SOX5: variants seen among roughly 807,000 people sequenced by gnomAD.
SOX5 encodes SRY-box transcription factor 5.
Under a neutral mutation model 92.0 loss-of-function variants are expected in SOX5, and 9 were observed. The ratio of observed to expected loss-of-function variants is 0.10; its 90% CI spans 0.06 to 0.17. The LOEUF (loss-of-function observed/expected upper bound fraction) is 0.17, where lower values mean the gene tolerates loss of function less well. SOX5 is among the 10% of genes least tolerant of loss of function. The pLI is 1.00. For synonymous variants in SOX5, 344 were observed against 336.3 expected (o/e 1.02, Z -0.25); for missense variants, 642 against 944.5 (o/e 0.68, Z 4.20).
Position 23,895,912 on chromosome 12 carries a change from G to A in SOX5, c.151C>T (p.His51Tyr). 6.2e-7 allele frequency: 1 copy of A among 1,614,066 alleles called. No homozygotes were observed. The highest frequency in any genetic ancestry group is 8.5e-7 in the Non-Finnish European group (1 of 1,179,930). The change falls in exon 2 of 15, where the codon CAC becomes TAC. Residue 51 changes from histidine (H) to tyrosine (Y), a missense_variant. By Grantham distance (83) the His-to-Tyr change is moderately conservative. Around this residue, in one of 8 missense-constraint regions of SOX5, gnomAD observed 113 missense variants for 117.7 expected, o/e 0.96. Transcript: ENST00000451604. ...EEESDGLPAF[H>Y]LPLHVSFPNK... ...GGAAAACTCACATGCAAGGGAAGGT[G>A]AAAGGCTGGGAGCCCGTCACTCTCC... is the stretch of plus-strand genomic sequence containing the variant.
intron 4 of SOX5, among the ~76,000 whole-genome samples, chr12:24,087,376 T>C (rs914683058): frequency 6.6e-6 from 1 of 150,710 alleles, no homozygotes; most frequent in Non-Finnish European, 1.5e-5. Flanking sequence ...ATAATAATAA[T>C]TGATTATGTC....
intron 1 of SOX5, among the ~76,000 whole-genome samples, chr12:24,537,422 A>C (rs1035929331): frequency 1.3e-5 from 2 of 152,178 alleles, no homozygotes; most frequent in Non-Finnish European, 2.9e-5. Flanking sequence ...GGTTCTTTTT[A>C]ATGTCTAAGA....
intron 4 of SOX5, among the ~76,000 whole-genome samples, chr12:24,179,660 G>C (rs1429563302): frequency 6.6e-6 from 1 of 152,192 alleles, no homozygotes; most frequent in Non-Finnish European, 1.5e-5. Flanking sequence ...CACTTTATTT[G>C]AAAAGGCTTT....
chr12:24,425,370 T>C (rs1966605057), intron 1 of SOX5, among the ~76,000 whole-genome samples: 1 of 152,204 alleles, frequency 6.6e-6, no homozygotes, highest in Non-Finnish European at 1.5e-5. Context: ...ATTGGCATTT[T>C]CTAAATGACC....
At chr12:24,344,543 C>G (rs1248152197) in intron 2 of SOX5, among the ~76,000 whole-genome samples, 1 of 152,050 alleles carries the variant, frequency 6.6e-6, no homozygotes, top group Admixed American at 6.5e-5. Flanking sequence ...CAACACAAAG[C>G]CACAGAGACC....
intron 4 of SOX5, among the ~76,000 whole-genome samples, chr12:24,201,017 C>G (rs1814860603): frequency 6.6e-6 from 1 of 152,172 alleles, no homozygotes; most frequent in South Asian, 2.1e-4. Context: ...CAGGGAGGAA[C>G]TATCACAGAA....
chr12:23,542,321 A>C (rs573761415), intron 13 of SOX5, among the ~76,000 whole-genome samples: 10 of 152,250 alleles, frequency 6.6e-5, no homozygotes, highest in Non-Finnish European at 1.2e-4. Flanking sequence ...AACTCTTAGA[A>C]GTCACAGAGT....
chr12:24,414,142 C>T (rs957701708), intron 1 of SOX5, among the ~76,000 whole-genome samples: 1 of 152,128 alleles, frequency 6.6e-6, no homozygotes, highest in African/African-American at 2.4e-5. Flanking sequence ...TTTACTTGGG[C>T]TCAAATCCAT....
intron 4 of SOX5, among the ~76,000 whole-genome samples, chr12:23,970,541 T>C (rs1321093857): frequency 6.6e-6 from 1 of 151,932 alleles, no homozygotes; most frequent in African/African-American, 2.4e-5. Context: ...GTAAGTGTAG[T>C]CATAGAGTAT....
At chr12:23,802,064 T>C (rs1000877122) in intron 3 of SOX5, among the ~76,000 whole-genome samples, 1 of 152,000 alleles carries the variant, frequency 6.6e-6, no homozygotes, top group Non-Finnish European at 1.5e-5. Context: ...ATTCTTTTCT[T>C]TTTCTTTCTT....
At chr12:24,409,191 T>C (rs1412952012) in intron 1 of SOX5, among the ~76,000 whole-genome samples, 2 of 152,218 alleles carry the variant, frequency 1.3e-5, no homozygotes, top group African/African-American at 2.4e-5. Context: ...TGGATGAAGC[T>C]GAAAGCCATC....
At chr12:23,928,661 C>T (rs1459563235) in intron 1 of SOX5, among the ~76,000 whole-genome samples, 1 of 151,760 alleles carries the variant, frequency 6.6e-6, no homozygotes, top group African/African-American at 2.4e-5. Flanking sequence ...AATAGACCAG[C>T]CATTTATAAA....
At chr12:23,801,403 C>T (rs1424094097) in intron 3 of SOX5, among the ~76,000 whole-genome samples, 1 of 152,070 alleles carries the variant, frequency 6.6e-6, no homozygotes, top group Non-Finnish European at 1.5e-5. Context: ...TTAAAGGTGG[C>T]AATCAAAAGA....
intron 2 of SOX5, among the ~76,000 whole-genome samples, chr12:24,310,450 T>C (rs1380354602): frequency 1.3e-5 from 2 of 152,168 alleles, no homozygotes; most frequent in East Asian, 3.9e-4. Flanking sequence ...GTATTAACAC[T>C]TTGAAAGAAC....
chr12:24,041,435 G>T (rs146519468), intron 4 of SOX5, among the ~76,000 whole-genome samples: 4 of 152,236 alleles, frequency 2.6e-5, no homozygotes, highest in Admixed American at 2.6e-4. Flanking sequence ...GATCAATTTG[G>T]TGCTTAAGAA....
At chr12:23,732,549 A>G (rs764304948) in intron 6 of SOX5, among the ~76,000 whole-genome samples, 2 of 152,168 alleles carry the variant, frequency 1.3e-5, no homozygotes, top group African/African-American at 2.4e-5. Context: ...TGACTCTGTC[A>G]GTTTCATTTA....
chr12:24,047,345 T>G (rs768846964), intron 4 of SOX5, among the ~76,000 whole-genome samples: 20 of 152,228 alleles, frequency 1.3e-4, no homozygotes, highest in Non-Finnish European at 2.5e-4. Context: ...GAAATGGACT[T>G]TAAATGAAGC....
In SOX5 at chr12:24,316,226, C is replaced by T. The variant is rs1251187917; in HGVS notation, c.-173-38914G>A. On this transcript the variant is annotated intron_variant, in intron 2 of 4. Transcript: ENST00000446891. The stretch of plus-strand genomic sequence containing the variant: ...TCTTTAGCTATATCTTTAGAGAAAG[C>T]AGGTGGGTGGGGTTGAGGGGAAGGG... 1.3e-5 allele frequency among the ~76,000 whole-genome samples: 2 copies of T among 152,104 alleles called. 1 individual carries two copies. Among genetic ancestry groups the T allele is most frequent in the Non-Finnish European group, 2.9e-5 (2 of 68,022 alleles).
At chr12:23,619,093 T>G (rs542620140) in intron 8 of SOX5, among the ~76,000 whole-genome samples, 2 of 152,288 alleles carry the variant, frequency 1.3e-5, no homozygotes, top group East Asian at 3.9e-4. Context: ...ACAACACATA[T>G]GAGAGGTTTT....
Sources: allele counts gnomAD v4.1 joint callset (sites outside exome capture counted in the v4.1 genomes callset), GRCh38; gene constraint gnomAD v4.1.1; regional missense constraint gnomAD v4.1.1; transcripts MANE v1.5; gene names NCBI Gene and HGNC (gene_info 2026-07-23, HGNC 2026-07-21).